DLG2: variants seen among roughly 807,000 people sequenced by gnomAD.
DLG2 encodes the protein discs large MAGUK scaffold protein 2, also known as disks large homolog 2.
In DLG2, 45 loss-of-function variants were observed where a neutral mutation model predicts 132.5. The observed-to-expected ratio is 0.34, with a 90% CI of 0.27 to 0.44. The LOEUF is 0.44. DLG2 is among the 20% of genes least tolerant of loss of function. The pLI, the probability that DLG2 is intolerant of heterozygous loss-of-function variation, is 1.00. For synonymous variants in DLG2, 424 were observed against 419.6 expected, an observed-to-expected ratio of 1.01 and a Z score of -0.13; for missense variants, 1,045 against 1,196.9, an observed-to-expected ratio of 0.87 and a Z score of 1.87.
chr11:85,480,238 C>A (rs544231762), intron 3 of DLG2, among the ~76,000 whole-genome samples: 7 of 152,248 alleles, frequency 4.6e-5, no homozygotes, highest in African/African-American at 1.7e-4. Flanking sequence ...TCCAGTAATT[C>A]CACAACTATG....
intron 11 of DLG2, among the ~76,000 whole-genome samples, chr11:84,040,390 T>G (rs1333357761): frequency 6.6e-6 from 1 of 151,958 alleles, no homozygotes; most frequent in Non-Finnish European, 1.5e-5. Flanking sequence ...CTTGAATTGA[T>G]TTTTGTATAA....
At chr11:84,989,466 A>G (rs954569853) in intron 6 of DLG2, among the ~76,000 whole-genome samples, 3 of 152,134 alleles carry the variant, frequency 2.0e-5, no homozygotes, top group Non-Finnish European at 2.9e-5. Context: ...ATGAGCCACC[A>G]TGACTGGCCA....
intron 8 of DLG2, among the ~76,000 whole-genome samples, chr11:84,211,824 T>C (rs1313129314): frequency 1.3e-5 from 2 of 152,208 alleles, no homozygotes; most frequent in Non-Finnish European, 1.5e-5. Context: ...TGGCTGATTA[T>C]ATTCAGACTT....
intron 5 of DLG2, among the ~76,000 whole-genome samples, chr11:85,144,366 A>G (rs1409808146): frequency 8.8e-5 from 8 of 91,324 alleles, no homozygotes; most frequent in South Asian, 6.3e-4. Flanking sequence ...TTTTTTTTTT[A>G]TCAGTTTAGC....
At chr11:84,615,141 A>G (rs983681304) in intron 6 of DLG2, among the ~76,000 whole-genome samples, 1 of 152,176 alleles carries the variant, frequency 6.6e-6, no homozygotes, top group Admixed American at 6.5e-5. Context: ...TGTGAAAATC[A>G]TGAAAAGTAT....
chr11:85,354,212 C>A (rs1012078660), intron 3 of DLG2, among the ~76,000 whole-genome samples: 1 of 151,738 alleles, frequency 6.6e-6, no homozygotes, highest in African/African-American at 2.4e-5. Flanking sequence ...CAGTTTTAAG[C>A]CAAAAATTAT....
intron 4 of DLG2, among the ~76,000 whole-genome samples, chr11:85,219,199 C>T (rs948702200): frequency 6.6e-6 from 1 of 152,076 alleles, no homozygotes; most frequent in Admixed American, 6.6e-5. Context: ...AACAAACCTG[C>T]ACATGTACCC....
At chr11:84,959,330 C>A (rs960047892) in intron 6 of DLG2, among the ~76,000 whole-genome samples, 2 of 152,154 alleles carry the variant, frequency 1.3e-5, no homozygotes, top group African/African-American at 4.8e-5. Context: ...ATAATAATTA[C>A]TTAATGCTCA....
chr11:85,491,464 A>G (rs563130244), intron 3 of DLG2, among the ~76,000 whole-genome samples: 5 of 152,264 alleles, frequency 3.3e-5, no homozygotes, highest in South Asian at 4.1e-4. Context: ...TTGTAAAGAA[A>G]AAAGTTAAAT....
rs538792247 is a variant in DLG2, at chr11:83,703,876, T to G, written c.1826-70551A>C. Among the ~76,000 whole-genome samples the G allele has an allele frequency of 9.1e-4, 138 of 152,264 alleles. 1 individual carries two copies. The highest frequency in any genetic ancestry group is 8.7e-3 in the South Asian group (42 of 4,824). ...AAATAGGCTAAGTCAACAGTGTCACTTCCCTATTATGGAATCTTAGATCTC... is the reference window on the plus strand; with the variant it reads ...AAATAGGCTAAGTCAACAGTGTCACGTCCCTATTATGGAATCTTAGATCTC... On this transcript the variant is annotated intron_variant, in intron 18 of 27. Coordinates refer to ENST00000376104, the MANE Select transcript of DLG2 (RefSeq NM_001142699.3).
intron 6 of DLG2, chr11:84,720,224 A>G: frequency 2.1e-6 from 2 of 969,486 alleles, no homozygotes; most frequent in Non-Finnish European, 2.5e-6. Context: ...AGACATAAAC[A>G]AGCAACAGAA....
intron 6 of DLG2, chr11:84,546,859 T>G (rs375082745): frequency 5.3e-6 from 1 of 188,118 alleles, no homozygotes; most frequent in Non-Finnish European, 1.1e-5. Flanking sequence ...AGTAGGAAGA[T>G]AGACTTTAGT....
chr11:84,907,859 C>T (rs1323727734), intron 6 of DLG2, among the ~76,000 whole-genome samples: 1 of 152,150 alleles, frequency 6.6e-6, no homozygotes, highest in East Asian at 1.9e-4. Context: ...GCCTTCTGGG[C>T]AAGTCACTTA....
intron 3 of DLG2, among the ~76,000 whole-genome samples, chr11:85,418,941 A>C (rs1402472616): frequency 1.3e-5 from 2 of 152,290 alleles, no homozygotes; most frequent in South Asian, 4.1e-4. Context: ...ATTTAAGGTT[A>C]AGATTATTAT....
At chr11:84,664,156 T>C (rs1299033391) in intron 6 of DLG2, among the ~76,000 whole-genome samples, 1 of 152,176 alleles carries the variant, frequency 6.6e-6, no homozygotes, top group Non-Finnish European at 1.5e-5. Context: ...TCTTTTTTGC[T>C]CTATGGATAA....
intron 7 of DLG2, among the ~76,000 whole-genome samples, chr11:84,503,921 G>C (rs953490517): frequency 6.6e-6 from 1 of 152,024 alleles, no homozygotes; most frequent in African/African-American, 2.4e-5. Flanking sequence ...TGTGTACAGA[G>C]ATTTCTATGT....
intron 6 of DLG2, among the ~76,000 whole-genome samples, chr11:84,777,281 G>GTATATATATATATA (rs71036441): frequency 7.4e-5 from 7 of 95,032 alleles, no homozygotes; most frequent in South Asian, 4.1e-4. Flanking sequence ...ATGTGTGTGT[G>GTATATATATATATA]TATATATATA....
At chr11:84,254,085 A>G (rs915942601) in intron 7 of DLG2, among the ~76,000 whole-genome samples, 1 of 152,182 alleles carries the variant, frequency 6.6e-6, no homozygotes, top group Non-Finnish European at 1.5e-5. Flanking sequence ...TTTGGTTTCC[A>G]TGACTCACAA....
intron 2 of DLG2, among the ~76,000 whole-genome samples, chr11:85,611,291 G>T (rs974022925): frequency 6.6e-6 from 1 of 152,160 alleles, no homozygotes; most frequent in African/African-American, 2.4e-5. Flanking sequence ...TGATGTAAAT[G>T]GCATACTAGG....
Sources: allele counts gnomAD v4.1 joint callset (sites outside exome capture counted in the v4.1 genomes callset), GRCh38; gene constraint gnomAD v4.1.1; transcripts MANE v1.5; gene names NCBI Gene and HGNC (gene_info 2026-07-23, HGNC 2026-07-21).